Variants in TXNL4A observed in about 807,000 individuals in gnomAD.
The protein encoded by TXNL4A is thioredoxin like 4A, also known as thioredoxin-like protein 4A.
In TXNL4A, 17 loss-of-function variants were observed where a neutral mutation model predicts 14.6. The ratio of observed to expected loss-of-function variants is 1.16; its 90% confidence interval spans 0.80 to 1.74. The LOEUF is 1.74. Among genes scored for constraint, TXNL4A ranks in the 40% most tolerant of loss-of-function variants. The pLI is 0.00. For missense variants in TXNL4A, 74 were observed against 195.2 expected (o/e 0.38, Z 3.70); for synonymous variants, 83 against 70.6 (o/e 1.18, Z -0.88).
chr18:79,979,838 G>C (rs2051436520), intron 1 of TXNL4A, among the ~76,000 whole-genome samples: 1 of 152,020 alleles, frequency 6.6e-6, no homozygotes, highest in Non-Finnish European at 1.5e-5. Context: ...CTAAAATTCT[G>C]GAACAAAGGA....
chr18:80,024,019 A>G (rs967971123), intron 1 of TXNL4A, among the ~76,000 whole-genome samples: 9 of 152,200 alleles, frequency 5.9e-5, no homozygotes, highest in Non-Finnish European at 1.3e-4. Context: ...ATCCTGAGTG[A>G]AAGTAGCCTG....
chr18:79,971,911 G>A lies in TXNL4A; in HGVS notation c.*1774C>T, dbSNP rs2051306305. ...ATACTGAGTGTCTGTTACATGCCAG[G>A]TACTCGAGGTCACATACACGTTCTC... On this transcript the variant is annotated 3_prime_UTR_variant, in exon 3 of 3. Coordinates refer to ENST00000269601, the MANE Select transcript of TXNL4A (RefSeq NM_006701.5). 6.6e-6 allele frequency: 1 copy of A among 152,112 alleles called. No individual in the cohort carries two copies. The highest frequency in any genetic ancestry group is 6.6e-5 in the Admixed American group (1 of 15,266). The allele number at this position is 152,112 out of a possible 1,614,324, so 9.4% of individuals were successfully genotyped here.
At chr18:79,991,727 G>A (rs2051629527), upstream of TXNL4A, among the ~76,000 whole-genome samples, 1 of 152,200 alleles carries the variant, frequency 6.6e-6, no homozygotes, top group Non-Finnish European at 1.5e-5. Context: ...AGGAATGTGT[G>A]AGGGTTTCAG....
intron 1 of TXNL4A, among the ~76,000 whole-genome samples, chr18:79,981,021 A>G (rs1447593401): frequency 6.6e-6 from 1 of 152,242 alleles, no homozygotes; most frequent in Non-Finnish European, 1.5e-5. Context: ...TGGTAAACTA[A>G]TAAACTGTCT....
intron 1 of TXNL4A, chr18:79,986,744 C>T (rs2051555102): frequency 1.0e-6 from 1 of 985,482 alleles, no homozygotes. Flanking sequence ...GATGTTTATG[C>T]CACCACCTGC....
In TXNL4A at chr18:79,988,220, G is replaced by A. The variant is rs377583001; in HGVS notation, c.153+20C>T. On this transcript the variant is annotated intron_variant, in intron 1 of 2. Coordinates refer to ENST00000269601, the MANE Select transcript of TXNL4A (RefSeq NM_006701.5). Reference sequence around the variant, plus strand: ...GATGCGGAAGCACAGCCCGCAGAGCGGGAGAGTCCGGCGCGCTACCTTCTC... The same window carrying A: ...GATGCGGAAGCACAGCCCGCAGAGCAGGAGAGTCCGGCGCGCTACCTTCTC... The A allele has an allele frequency of 5.3e-6, 8 of 1,501,110 alleles. No individual in the cohort carries two copies. The highest frequency in any genetic ancestry group is 6.3e-6 in the Non-Finnish European group (7 of 1,103,990). 93.0% of individuals were successfully genotyped at this position (1,501,110 alleles called of 1,614,324 possible). A position where few individuals can be genotyped will look rare whatever the true frequency, so the allele number is the denominator to read the frequency against.
chr18:80,023,475 G>A (rs922422526), intron 1 of TXNL4A, among the ~76,000 whole-genome samples: 5 of 152,174 alleles, frequency 3.3e-5, no homozygotes, highest in Admixed American at 2.0e-4. Flanking sequence ...AAGTTAGAGA[G>A]GTTTGGGGTT....
At chr18:80,008,151 T>G (rs958225721) in intron 1 of TXNL4A, among the ~76,000 whole-genome samples, 2 of 152,022 alleles carry the variant, frequency 1.3e-5, no homozygotes, top group East Asian at 1.9e-4. Flanking sequence ...TAAAAAAAAA[T>G]GTTTTTCCGG....
chr18:80,029,779 T>C (rs1462652911), intron 1 of TXNL4A, among the ~76,000 whole-genome samples: 1 of 151,954 alleles, frequency 6.6e-6, no homozygotes, highest in Non-Finnish European at 1.5e-5. Context: ...CAAGAAATAA[T>C]AACAGAGGCC....
chr18:79,997,138 G>A (rs921016265), intron 1 of TXNL4A, among the ~76,000 whole-genome samples: 1 of 152,082 alleles, frequency 6.6e-6, no homozygotes, highest in African/African-American at 2.4e-5. Flanking sequence ...CAGAAGTGGA[G>A]CATTTGCTTA....
chr18:80,024,819 G>T (rs1237638230), intron 1 of TXNL4A, among the ~76,000 whole-genome samples: 1 of 152,170 alleles, frequency 6.6e-6, no homozygotes, highest in South Asian at 2.1e-4. Flanking sequence ...AGACCAAACC[G>T]GTTCAGGAGG....
At chr18:80,004,755 C>A (rs1287905547) in intron 1 of TXNL4A, among the ~76,000 whole-genome samples, 1 of 152,148 alleles carries the variant, frequency 6.6e-6, no homozygotes, top group Non-Finnish European at 1.5e-5. Context: ...AAGCCTTGAG[C>A]AGAGTCCCAA....
chr18:79,987,653 C>T (rs879585115), intron 1 of TXNL4A, among the ~76,000 whole-genome samples: 18 of 152,208 alleles, frequency 1.2e-4, no homozygotes, highest in African/African-American at 3.6e-4. Flanking sequence ...GCCAAGACCA[C>T]TCAGTGTACT....
At chr18:80,021,267 C>A (rs1445332615) in intron 1 of TXNL4A, among the ~76,000 whole-genome samples, 1 of 151,994 alleles carries the variant, frequency 6.6e-6, no homozygotes, top group Non-Finnish European at 1.5e-5. Context: ...AGCTCCACCT[C>A]CCAGGTTCAT....
chr18:80,005,067 G>A lies in TXNL4A; in HGVS notation c.-60-27366C>T, dbSNP rs550903834. 1.9e-3 allele frequency among the ~76,000 whole-genome samples: 290 copies of A among 152,352 alleles called. 3 individuals are homozygous for A. The highest frequency in any genetic ancestry group is 1.3e-3 in the Non-Finnish European group (87 of 68,032). On this transcript the variant is annotated intron_variant, in intron 1 of 2. Coordinates refer to the TXNL4A transcript ENST00000585474. ...AGTTCAAACACAGGCAAAGCCAAAC[G>A]TGACCTAGAGACACAGACGTGCAGT...
intron 1 of TXNL4A, among the ~76,000 whole-genome samples, chr18:80,010,343 TC>T (rs1329617443): frequency 2.0e-5 from 3 of 151,944 alleles, no homozygotes; most frequent in African/African-American, 7.2e-5. Context: ...ACTCAGCTTG[TC>T]CCGGGACCTT....
intron 1 of TXNL4A, among the ~76,000 whole-genome samples, chr18:80,020,845 G>T: frequency 6.6e-6 from 1 of 152,176 alleles, no homozygotes; most frequent in Admixed American, 6.5e-5. Flanking sequence ...GAGGAGAAAT[G>T]GGGAAATAGT....
At chr18:80,016,702 G>C (rs928483531) in intron 1 of TXNL4A, among the ~76,000 whole-genome samples, 2 of 151,954 alleles carry the variant, frequency 1.3e-5, no homozygotes, top group African/African-American at 4.8e-5. Context: ...TGAGGGCTCT[G>C]TTCTGTTCCA....
upstream of TXNL4A, among the ~76,000 whole-genome samples, chr18:79,988,823 G>GGCCGCCCGCC (rs528954970): frequency 2.8e-3 from 432 of 151,580 alleles, no homozygotes; most frequent in African/African-American, 0.01. Context: ...CCCGCCCCGA[G>GGCCGCCCGCC]GCCGCCCGCC....
Sources: gnomAD v4.1 joint callset for allele counts (sites outside exome capture counted in the v4.1 genomes callset) on GRCh38, gnomAD v4.1.1 for gene constraint, MANE v1.5 for transcripts, NCBI Gene and HGNC (gene_info 2026-07-23, HGNC 2026-07-21) for gene names.